Variants in CALN1 observed in about 807,000 individuals in gnomAD.
CALN1 encodes the protein calneuron 1.
Under a neutral mutation model 30.6 loss-of-function variants are expected in CALN1, and 17 were observed. That is an observed-to-expected ratio of 0.56 (90% CI 0.38 to 0.83). The LOEUF is 0.83. Among genes scored for constraint, CALN1 ranks in the 40% least tolerant of loss-of-function variants. The pLI is 0.00. For synonymous variants in CALN1, 156 were observed against 131.4 expected (o/e 1.19, Z -1.28); for missense variants, 291 against 354.9 (o/e 0.82, Z 1.45).
chr7:71,852,150 C>G (rs1377865298), intron 5 of CALN1, among the ~76,000 whole-genome samples: 1 of 152,116 alleles, frequency 6.6e-6, no homozygotes, highest in East Asian at 1.9e-4. Context: ...TCATTGCACA[C>G]GTTCACCACA....
intron 4 of CALN1, among the ~76,000 whole-genome samples, chr7:72,034,258 G>A (rs1801640624): frequency 6.6e-6 from 1 of 150,758 alleles, no homozygotes; most frequent in South Asian, 2.1e-4. Flanking sequence ...GGAGGCTGAG[G>A]CACGAGAATG....
intron 5 of CALN1, among the ~76,000 whole-genome samples, chr7:71,976,536 C>T (rs111474653): frequency 0.054 from 8,152 of 152,238 alleles, 522 homozygotes; most frequent in African/African-American, 0.16. Context: ...GAGCGCTGGG[C>T]GCAGGGATGG....
chr7:72,375,296 C>G (rs1804490878), intron 2 of CALN1, among the ~76,000 whole-genome samples: 1 of 152,020 alleles, frequency 6.6e-6, no homozygotes, highest in Admixed American at 6.6e-5. Context: ...AATGGGGTGG[C>G]TCACACCTGT....
chr7:71,918,162 C>T (rs116047828), intron 5 of CALN1, among the ~76,000 whole-genome samples: 196 of 152,320 alleles, frequency 1.3e-3, no homozygotes, highest in African/African-American at 4.3e-3. Context: ...GCTATACTTG[C>T]TTATCACCAT....
intron 2 of CALN1, among the ~76,000 whole-genome samples, chr7:72,369,097 G>T (rs1804056966): frequency 1.3e-5 from 2 of 151,274 alleles, no homozygotes; most frequent in Admixed American, 1.3e-4. Context: ...TTACAGGCAT[G>T]AGCCACTGCA....
chr7:71,898,008 GGA>G (rs1344421119), intron 5 of CALN1, among the ~76,000 whole-genome samples: 60 of 77,324 alleles, frequency 7.8e-4, no homozygotes, highest in East Asian at 3.2e-3. Flanking sequence ...AGAGAGGGAG[GGA>G]GGGGGGGGGA....
At chr7:72,316,230 AAAC>A (rs756999192) in intron 2 of CALN1, among the ~76,000 whole-genome samples, 11 of 152,186 alleles carry the variant, frequency 7.2e-5, no homozygotes, top group Non-Finnish European at 1.5e-4. Context: ...GTGAAATCGA[AAAC>A]AACACGTGGC....
At chr7:71,845,989 G>T (rs1298848398) in intron 5 of CALN1, among the ~76,000 whole-genome samples, 2 of 152,122 alleles carry the variant, frequency 1.3e-5, no homozygotes, top group Non-Finnish European at 2.9e-5. Context: ...GGAGGCGGAG[G>T]TTGCCGTGAG....
At chr7:72,026,649 C>T (rs551905604) in intron 4 of CALN1, among the ~76,000 whole-genome samples, 19 of 152,060 alleles carry the variant, frequency 1.2e-4, no homozygotes, top group Non-Finnish European at 2.2e-4. Context: ...CTCCTGGGCT[C>T]AAGTGATCCT....
intron 5 of CALN1, among the ~76,000 whole-genome samples, chr7:71,815,473 G>T (rs1788204866): frequency 6.6e-6 from 1 of 152,056 alleles, no homozygotes; most frequent in Non-Finnish European, 1.5e-5. Context: ...AGGGGCTGCT[G>T]CTTCATTCTA....
chr7:72,258,680 G>A (rs563350694), intron 3 of CALN1, among the ~76,000 whole-genome samples: 59 of 152,294 alleles, frequency 3.9e-4, no homozygotes, highest in Non-Finnish European at 7.3e-4. Context: ...AGCACTCTGA[G>A]GCTGAGGTGG....
chr7:72,024,180 T>G (rs752952970), intron 4 of CALN1, among the ~76,000 whole-genome samples: 6 of 152,198 alleles, frequency 3.9e-5, no homozygotes, highest in African/African-American at 7.2e-5. Flanking sequence ...ATTTCACCTC[T>G]TAAGTATCTG....
In CALN1 at chr7:72,403,347, C is replaced by G. The variant is rs1480895951; in HGVS notation, c.23G>C (p.Gly8Ala). Residue 8 changes from glycine (G) to alanine (A), a missense_variant, in exon 2 of 7, where the codon GGA becomes GCA. Transcript: ENST00000395275. MRLPEQP[G>A]EGKPENEKKG... ...TTTCTCATTCTCGGGCTTCCCCTCT[C>G]CGGGTTGCTCTGGCAGCCGCATCGG... The G allele has an allele frequency of 6.5e-7, 1 of 1,548,576 alleles. No individual in the cohort carries two copies. Among genetic ancestry groups the G allele is most frequent in the Non-Finnish European group, 8.7e-7 (1 of 1,146,932 alleles).
intron 5 of CALN1, among the ~76,000 whole-genome samples, chr7:72,019,808 T>C (rs1188688854): frequency 1.3e-5 from 2 of 152,178 alleles, no homozygotes; most frequent in Non-Finnish European, 2.9e-5. Context: ...CTAAGTGAGA[T>C]AGAAAATATT....
chr7:71,796,382 C>T (rs1324477985), intron 6 of CALN1, among the ~76,000 whole-genome samples: 77 of 133,780 alleles, frequency 5.8e-4, no homozygotes, highest in Middle Eastern at 4.7e-3. Flanking sequence ...TTTTTTGAGA[C>T]GGAGTCTCAC....
chr7:71,933,840 A>G (rs1156839504), intron 5 of CALN1, among the ~76,000 whole-genome samples: 1 of 152,106 alleles, frequency 6.6e-6, no homozygotes, highest in Admixed American at 6.5e-5. Context: ...AGCAGTATTG[A>G]TAATTATTGG....
At chr7:72,435,238 G>A (rs182264225) in intron 1 of CALN1, among the ~76,000 whole-genome samples, 1 of 136,364 alleles carries the variant, frequency 7.3e-6, no homozygotes, top group East Asian at 2.0e-4. Flanking sequence ...CAGTCTCTAA[G>A]GAAAAAAAAA....
intron 3 of CALN1, among the ~76,000 whole-genome samples, chr7:72,250,431 G>A (rs1046009335): frequency 6.6e-6 from 1 of 152,186 alleles, no homozygotes; most frequent in Non-Finnish European, 1.5e-5. Flanking sequence ...AGTGATGTCA[G>A]GCACATGGAT....
At chr7:72,267,465 A>T (rs986841028) in intron 3 of CALN1, among the ~76,000 whole-genome samples, 3 of 152,194 alleles carry the variant, frequency 2.0e-5, no homozygotes, top group South Asian at 2.1e-4. Context: ...AAATTTGATT[A>T]ATCAGCCAAG....
Sources: gnomAD v4.1 joint callset for allele counts (sites outside exome capture counted in the v4.1 genomes callset) on GRCh38, gnomAD v4.1.1 for gene constraint, MANE v1.5 for transcripts, NCBI Gene and HGNC (gene_info 2026-07-23, HGNC 2026-07-21) for gene names.